SCN9A: variants seen among roughly 807,000 people sequenced by gnomAD.
SCN9A encodes the protein sodium channel protein type 9 subunit alpha.
Under a neutral mutation model 187.0 loss-of-function variants are expected in SCN9A, and 131 were observed. That is an observed-to-expected ratio of 0.70 (90% CI 0.61 to 0.81). SCN9A has a LOEUF of 0.81. SCN9A is among the 30% of genes least tolerant of loss of function. The pLI is 0.00. For missense variants in SCN9A, 2,252 were observed against 2,396.6 expected, an observed-to-expected ratio of 0.94 and a Z score of 1.26; for synonymous variants, 809 against 808.6, an observed-to-expected ratio of 1.00 and a Z score of -0.01.
At chr2:166,373,327 TA>T (rs376692400) in intron 1 of SCN9A, among the ~76,000 whole-genome samples, 2 of 150,194 alleles carry the variant, frequency 1.3e-5, no homozygotes, top group Middle Eastern at 3.4e-3. Flanking sequence ...TTTTTTTTTT[TA>T]AATGCAGTTG....
chr2:166,247,215 A>G (rs1215718135), intron 18 of SCN9A, among the ~76,000 whole-genome samples: 6 of 150,754 alleles, frequency 4.0e-5, no homozygotes, highest in Non-Finnish European at 7.4e-5. Flanking sequence ...TGACCACTTC[A>G]AAAGACAGAC....
In SCN9A at chr2:166,279,975, G is replaced by A. The variant is rs112873589; in HGVS notation, c.2343+382C>T. On this transcript the variant is annotated intron_variant, in intron 14 of 26. Coordinates refer to ENST00000642356, the MANE Select transcript of SCN9A (RefSeq NM_001365536.1). ...AACACTTCACTACTATTATGTCAAAGCAATACATCCATAGGTTTTCTGAAA... is the reference window on the plus strand; with the variant it reads ...AACACTTCACTACTATTATGTCAAAACAATACATCCATAGGTTTTCTGAAA... Among the ~76,000 whole-genome samples the A allele has an allele frequency of 1.2e-3, 184 of 152,204 alleles. 1 individual carries two copies. Among genetic ancestry groups the A allele is most frequent in the African/African-American group, 4.4e-3 (181 of 41,538 alleles).
chr2:166,370,146 A>G (rs1482652809), intron 1 of SCN9A, among the ~76,000 whole-genome samples: 2 of 150,796 alleles, frequency 1.3e-5, no homozygotes, highest in Non-Finnish European at 3.0e-5. Context: ...AGGAGCAACT[A>G]GTAAAAGTTG....
intron 5 of SCN9A, among the ~76,000 whole-genome samples, 186 bp from the exon 6 acceptor site, chr2:166,304,515 A>G (rs1698686898): frequency 6.6e-6 from 1 of 152,134 alleles, no homozygotes; most frequent in East Asian, 1.9e-4. Context: ...TGCAAACAAA[A>G]TACAGATATT....
chr2:166,354,886 T>C (rs142134626), intron 1 of SCN9A, among the ~76,000 whole-genome samples: 13 of 152,256 alleles, frequency 8.5e-5, no homozygotes, highest in African/African-American at 3.1e-4. Flanking sequence ...GGAGAAAATT[T>C]AGAAAACTGA....
At chr2:166,318,597 A>G (rs1263887155) in intron 1 of SCN9A, among the ~76,000 whole-genome samples, 1 of 152,132 alleles carries the variant, frequency 6.6e-6, no homozygotes, top group African/African-American at 2.4e-5. Flanking sequence ...TAGGCTACCA[A>G]AAACAACAAC....
At chr2:166,265,233 C>G (rs370612062) in intron 17 of SCN9A, among the ~76,000 whole-genome samples, 13 of 151,912 alleles carry the variant, frequency 8.6e-5, no homozygotes, top group East Asian at 5.8e-4. Context: ...AGCCTCCCAT[C>G]CTCCGATAAC....
chr2:166,283,582 C>A (rs1697590525), intron 12 of SCN9A, among the ~76,000 whole-genome samples: 1 of 152,146 alleles, frequency 6.6e-6, no homozygotes, highest in Non-Finnish European at 1.5e-5. Context: ...TTTCTCTAAC[C>A]ACTTAGTGAC....
chr2:166,261,784 A>G (rs747794618), intron 17 of SCN9A, among the ~76,000 whole-genome samples: 18 of 151,986 alleles, frequency 1.2e-4, no homozygotes, highest in Non-Finnish European at 2.2e-4. Flanking sequence ...AGATCTTAAC[A>G]TGTGTACCTT....
intron 17 of SCN9A, among the ~76,000 whole-genome samples, chr2:166,270,682 C>T (rs138169304): frequency 3.1e-3 from 465 of 150,984 alleles, no homozygotes; most frequent in African/African-American, 0.011. Flanking sequence ...TGGAGTGCAG[C>T]GGTGCGATCT....
chr2:166,243,685 CT>C (rs1483732965), intron 18 of SCN9A, among the ~76,000 whole-genome samples: 2 of 151,808 alleles, frequency 1.3e-5, no homozygotes, highest in African/African-American at 4.8e-5. Flanking sequence ...GAGAGGTGAG[CT>C]TAGAAAAATT....
At chr2:166,344,106 C>T (rs564200680) in intron 1 of SCN9A, among the ~76,000 whole-genome samples, 9 of 152,206 alleles carry the variant, frequency 5.9e-5, no homozygotes, top group African/African-American at 2.2e-4. Context: ...GCTTTAGTTA[C>T]AGTAACATCA....
At position 166,198,424 on chromosome 2, in the gene SCN9A, G is replaced by GAATC. The variant is rs143461219; in HGVS notation, c.*244_*247dup. ...CTGATTTATTAAAAACCAAAAAACTGAATCACTTTTGTATGCTATAATCAA... is the reference window on the plus strand; with the variant it reads ...CTGATTTATTAAAAACCAAAAAACTGAATCAATCACTTTTGTATGCTATAATCAA... On this transcript the variant is annotated 3_prime_UTR_variant, in exon 27 of 27. Transcript: ENST00000642356. 0.76 allele frequency: 279,183 copies of GAATC among 368,078 alleles called. 106,867 individuals are homozygous for GAATC. The highest frequency in any genetic ancestry group is 0.81 in the East Asian group (18,991 of 23,412). The allele number at this position is 368,078 out of a possible 1,614,324, so 22.8% of individuals were successfully genotyped here. A position where few individuals can be genotyped will look rare whatever the true frequency, so the allele number is the denominator to read the frequency against.
chr2:166,277,458 TCC>T, intron 15 of SCN9A, 119 bp from the exon 16 acceptor site: 2 of 624,100 alleles, frequency 3.2e-6, no homozygotes, highest in Non-Finnish European at 5.5e-6. Context: ...GTCATTATTA[TCC>T]AGCTAAAATA....
chr2:166,302,509 G>A (rs1251180768), intron 7 of SCN9A: 2 of 151,956 alleles, frequency 1.3e-5, no homozygotes, highest in Non-Finnish European at 2.9e-5. Context: ...ACTCGTCATT[G>A]GTTACAAAGT....
At chr2:166,254,481 T>A (rs907118430) in intron 17 of SCN9A, among the ~76,000 whole-genome samples, 2 of 151,432 alleles carry the variant, frequency 1.3e-5, no homozygotes, top group Non-Finnish European at 3.0e-5. Flanking sequence ...CTGATATATA[T>A]AATAAAGTTT....
At chr2:166,300,052 A>G (rs1268560033) in intron 7 of SCN9A, among the ~76,000 whole-genome samples, 1 of 150,862 alleles carries the variant, frequency 6.6e-6, no homozygotes, top group African/African-American at 2.5e-5. Context: ...TCTCTTGCCT[A>G]GATGAGAGAA....
rs202203220 is a variant in SCN9A at position 166,196,857 on chromosome 2, A to G, written c.*1815T>C. 2 of 152,072 alleles carry G rather than the reference A, an allele frequency of 1.3e-5. No homozygotes were observed. Among genetic ancestry groups the G allele is most frequent in the African/African-American group, 2.4e-5 (1 of 41,446 alleles). The allele number at this position is 152,072 out of a possible 1,614,324, so 9.4% of individuals were successfully genotyped here. ...ATAAAGAATCTTTAGCCCTAGATTG[A>G]GTTTTATACGTAGATTAGGACAAAT... On this transcript the variant is annotated 3_prime_UTR_variant, in exon 27 of 27. Coordinates refer to ENST00000642356, the MANE Select transcript of SCN9A (RefSeq NM_001365536.1).
At chr2:166,298,088 T>C (rs927039362) in intron 7 of SCN9A, among the ~76,000 whole-genome samples, 20 of 152,122 alleles carry the variant, frequency 1.3e-4, no homozygotes, top group Non-Finnish European at 1.6e-4. Flanking sequence ...ATAATGCAAC[T>C]CTGAGAAAAC....
Sources: allele counts gnomAD v4.1 joint callset (sites outside exome capture counted in the v4.1 genomes callset), GRCh38; gene constraint gnomAD v4.1.1; transcripts MANE v1.5; gene names NCBI Gene and HGNC (gene_info 2026-07-23, HGNC 2026-07-21).